Variants in DLGAP2 observed in about 807,000 individuals in gnomAD.
The protein encoded by DLGAP2 is disks large-associated protein 2.
In DLGAP2, 26 loss-of-function variants were observed where a neutral mutation model predicts 100.3. That is an observed-to-expected ratio of 0.26 (90% CI 0.19 to 0.36). The LOEUF (loss-of-function observed/expected upper bound fraction) is 0.36, where lower values mean the gene tolerates loss of function less well. Ranked by LOEUF, DLGAP2 falls within the 10% of genes least tolerant of loss-of-function variation. The pLI, the probability that DLGAP2 is intolerant of heterozygous loss-of-function variation, is 1.00. For missense variants in DLGAP2, 1,858 were observed against 1,453.2 expected, an observed-to-expected ratio of 1.28 and a Z score of -4.53; for synonymous variants, 886 against 630.1, an observed-to-expected ratio of 1.41 and a Z score of -6.08.
At chr8:1,178,883 G>C (rs1415583795) in intron 2 of DLGAP2, among the ~76,000 whole-genome samples, 1 of 152,192 alleles carries the variant, frequency 6.6e-6, no homozygotes, top group Non-Finnish European at 1.5e-5. Flanking sequence ...CTTTCAGTTA[G>C]GAGCCCCCCT....
At chr8:1,176,827 C>T (rs1217129703) in intron 2 of DLGAP2, among the ~76,000 whole-genome samples, 1 of 152,188 alleles carries the variant, frequency 6.6e-6, no homozygotes, top group African/African-American at 2.4e-5. Context: ...TCTCTCAACA[C>T]ACCCTCTGGC....
chr8:1,632,453 C>A (rs543274154), intron 7 of DLGAP2, among the ~76,000 whole-genome samples: 1 of 152,190 alleles, frequency 6.6e-6, no homozygotes, highest in African/African-American at 2.4e-5. Context: ...AAGGGGGGGC[C>A]GTCATGTGGG....
intron 5 of DLGAP2, among the ~76,000 whole-genome samples, chr8:1,564,492 A>T (rs1802314580): frequency 6.6e-6 from 1 of 152,198 alleles, no homozygotes; most frequent in African/African-American, 2.4e-5. Flanking sequence ...ACAGTCAGAT[A>T]CACAGCACAG....
At chr8:1,567,974 G>T (rs1459130829) in intron 6 of DLGAP2, among the ~76,000 whole-genome samples, 4 of 152,112 alleles carry the variant, frequency 2.6e-5, no homozygotes, top group African/African-American at 9.7e-5. Context: ...CGTTACTCCT[G>T]TTCTAAACAC....
intron 3 of DLGAP2, among the ~76,000 whole-genome samples, chr8:1,324,932 G>A (rs1400177390): frequency 6.6e-6 from 1 of 152,198 alleles, no homozygotes. Flanking sequence ...TGACCTGCTT[G>A]GCTCAGCCTT....
At chr8:1,390,338 C>G (rs377671192) in intron 3 of DLGAP2, among the ~76,000 whole-genome samples, 1 of 142,084 alleles carries the variant, frequency 7.0e-6, no homozygotes, top group South Asian at 2.4e-4. Context: ...TTATGTATGA[C>G]CTTTTAAAAC....
intron 2 of DLGAP2, among the ~76,000 whole-genome samples, chr8:1,051,520 C>T (rs1271873122): frequency 6.6e-6 from 1 of 152,220 alleles, no homozygotes; most frequent in Non-Finnish European, 1.5e-5. Flanking sequence ...ATAAAGATGA[C>T]ATACGCAGAG....
Position 1,562,799 on chromosome 8 carries a change from C to T in DLGAP2, c.1231-2884C>T, listed in dbSNP as rs527920209. On this transcript the variant is annotated intron_variant, in intron 5 of 14. Coordinates refer to ENST00000637795, the MANE Select transcript of DLGAP2 (RefSeq NM_001346810.2). ...GGGACTGTGTGGTGTTGGGTGTCCG[C>T]GCCTCGTTACTGGGGGGCTGTGTGG... 1.6e-3 allele frequency among the ~76,000 whole-genome samples: 29 copies of T among 18,146 alleles called. 4 individuals are homozygous for T. Among genetic ancestry groups the T allele is most frequent in the African/African-American group, 4.6e-3 (17 of 3,710 alleles). 11.9% of individuals were successfully genotyped at this position (18,146 alleles called of 152,430 possible).
chr8:1,703,714 C>T lies in DLGAP2; in HGVS notation c.*2308C>T, dbSNP rs1466875905. 2 of 152,138 alleles carry T rather than the reference C, an allele frequency of 1.3e-5. No individual in the cohort carries two copies. Among genetic ancestry groups the T allele is most frequent in the Non-Finnish European group, 1.5e-5 (1 of 68,036 alleles). The allele number at this position is 152,138 out of a possible 1,614,324, so 9.4% of individuals were successfully genotyped here. A position where few individuals can be genotyped will look rare whatever the true frequency, so the allele number is the denominator to read the frequency against. On this transcript the variant is annotated 3_prime_UTR_variant, in exon 15 of 15. Transcript: ENST00000637795. The stretch of plus-strand genomic sequence containing the variant: ...AGTCAATAATTATTTGTCTCAGATC[C>T]CAGATTCTATGATCCCTGCTTAAAA...
chr8:964,830 C>A (rs976281585), intron 2 of DLGAP2, among the ~76,000 whole-genome samples: 2 of 152,244 alleles, frequency 1.3e-5, no homozygotes, highest in African/African-American at 4.8e-5. Flanking sequence ...CTGCCAGGCT[C>A]GGATCCTGGT....
At chr8:1,629,310 C>G (rs1797586529) in intron 7 of DLGAP2, among the ~76,000 whole-genome samples, 1 of 152,170 alleles carries the variant, frequency 6.6e-6, no homozygotes, top group African/African-American at 2.4e-5. Flanking sequence ...AAGTTCTCAT[C>G]TGCATCAGGA....
chr8:1,690,837 G>A (rs1294786609), intron 12 of DLGAP2, among the ~76,000 whole-genome samples: 1 of 151,814 alleles, frequency 6.6e-6, no homozygotes, highest in East Asian at 1.9e-4. Context: ...CAGAAATGTA[G>A]CGTTAGCATT....
chr8:853,675 A>C (rs367906188), intron 1 of DLGAP2, among the ~76,000 whole-genome samples: 2 of 152,352 alleles, frequency 1.3e-5, no homozygotes, highest in Admixed American at 6.5e-5. Context: ...GCCTGCAGCC[A>C]CACCGCCCCG....
At chr8:751,752 A>C (rs1044717610) in intron 1 of DLGAP2, among the ~76,000 whole-genome samples, 3 of 152,120 alleles carry the variant, frequency 2.0e-5, no homozygotes, top group Non-Finnish European at 4.4e-5. Context: ...AGTTCATCTG[A>C]CACTTTATAG....
At chr8:1,444,226 T>C (rs1435685722) in intron 3 of DLGAP2, among the ~76,000 whole-genome samples, 1 of 152,158 alleles carries the variant, frequency 6.6e-6, no homozygotes, top group Non-Finnish European at 1.5e-5. Flanking sequence ...TCTGGGATTA[T>C]AGGCATGAGT....
At chr8:1,213,432 T>C (rs1030955938) in intron 2 of DLGAP2, among the ~76,000 whole-genome samples, 1 of 152,212 alleles carries the variant, frequency 6.6e-6, no homozygotes, top group African/African-American at 2.4e-5. Context: ...TTTCCTAATA[T>C]TACATCATCC....
chr8:1,454,453 A>G lies in DLGAP2; in HGVS notation c.107-46913A>G, dbSNP rs74891745. 5.3e-3 allele frequency among the ~76,000 whole-genome samples: 798 copies of G among 150,778 alleles called. 9 individuals are homozygous for G. The highest frequency in any genetic ancestry group is 0.019 in the African/African-American group (768 of 41,420). On this transcript the variant is annotated intron_variant, in intron 3 of 14. Coordinates refer to ENST00000637795, the MANE Select transcript of DLGAP2 (RefSeq NM_001346810.2). ...CTGGCAACTTCACAGAGGGGAGGGC[A>G]GGTCTTTCTGGCACAGCAACTGTAG... is the stretch of plus-strand genomic sequence containing the variant.
At chr8:1,173,848 C>T (rs762465217) in intron 2 of DLGAP2, among the ~76,000 whole-genome samples, 4 of 152,234 alleles carry the variant, frequency 2.6e-5, no homozygotes, top group Admixed American at 6.5e-5. Flanking sequence ...TGAGGCAATG[C>T]GTCGCCCTGC....
chr8:1,546,102 A>G (rs1034261118), intron 4 of DLGAP2, among the ~76,000 whole-genome samples: 1 of 152,228 alleles, frequency 6.6e-6, no homozygotes, highest in African/African-American at 2.4e-5. Flanking sequence ...TAATATCTAA[A>G]TATTCCCCCA....
Sources: gnomAD v4.1 joint callset for allele counts (sites outside exome capture counted in the v4.1 genomes callset) on GRCh38, gnomAD v4.1.1 for gene constraint, MANE v1.5 for transcripts, NCBI Gene and HGNC (gene_info 2026-07-23, HGNC 2026-07-21) for gene names.